The following TUBB4A variants were observed in gnomAD, a reference collection of about 807,000 sequenced individuals.
TUBB4A encodes the protein tubulin beta 4A class IVa.
Under a neutral mutation model 35.1 loss-of-function variants are expected in TUBB4A, and 13 were observed. The observed-to-expected ratio is 0.37, with a 90% confidence interval of 0.24 to 0.59. The LOEUF is 0.59. Among genes scored for constraint, TUBB4A ranks in the 20% least tolerant of loss-of-function variants. TUBB4A has a pLI of 0.71. For missense variants in TUBB4A, 299 were observed against 647.2 expected (o/e 0.46, Z 5.84); for synonymous variants, 279 against 272.4 (o/e 1.02, Z -0.24).
rs1293238312 is a variant in TUBB4A at position 6,495,105 on chromosome 19, G to C, written c.*59C>G. The C allele has an allele frequency of 6.3e-7, 1 of 1,585,802 alleles. No individual in the cohort carries two copies. The highest frequency in any genetic ancestry group is 1.3e-5 in the African/African-American group (1 of 74,304). ...GGGCTCTAGGGTTCAGAGATGGGGG[G>C]CCTAGCGGATCAAAGGTCAGAAGCC... On this transcript the variant is annotated 3_prime_UTR_variant, in exon 4 of 4. Transcript: ENST00000264071. This position sits in a 1 kb window ranked among gnomAD's most constrained non-coding sequence, Gnocchi z 8.7.
intron 3 of TUBB4A, among the ~76,000 whole-genome samples, chr19:6,497,682 C>A (rs2145251578): frequency 6.6e-6 from 1 of 151,920 alleles, no homozygotes; most frequent in African/African-American, 2.4e-5. Flanking sequence ...TGCCTGTAAT[C>A]CAGCACTTAG....
At chr19:6,497,068 T>TATATATATA (rs1555754492) in intron 3 of TUBB4A, among the ~76,000 whole-genome samples, 3 of 90,026 alleles carry the variant, frequency 3.3e-5, no homozygotes, top group African/African-American at 4.3e-5. Flanking sequence ...TATATATAAA[T>TATATATATA]TAGCCAGTCA....
At position 6,495,755 on chromosome 19, in the gene TUBB4A, G is replaced by C; in HGVS notation, c.744C>G (p.Ala248=). 1.2e-6 allele frequency: 2 copies of C among 1,614,148 alleles called. No individual in the cohort carries two copies. Among genetic ancestry groups the C allele is most frequent in the Non-Finnish European group, 8.5e-7 (1 of 1,180,024 alleles). Reference sequence around the variant, plus strand: ...TGTTGACGGCCAGCTTGCGCAGGTCGGCGTTCAGCTGGCCCGGGAAGCGCA... The same window carrying C: ...TGTTGACGGCCAGCTTGCGCAGGTCCGCGTTCAGCTGGCCCGGGAAGCGCA... ...TCLRFPGQLN[A]DLRKLAVNMV... Residue 248 remains alanine, a synonymous_variant, in exon 4 of 4, where the codon GCC becomes GCG. Transcript: ENST00000264071. The surrounding 1 kb of genome is among the most constrained non-coding windows in gnomAD (Gnocchi z 8.7).
intron 1 of TUBB4A, 52 bp downstream of exon 1, chr19:6,502,104 G>A (rs1255214991): frequency 1.3e-6 from 2 of 1,513,432 alleles, no homozygotes; most frequent in East Asian, 2.6e-5. Context: ...GACCGACCCC[G>A]CGGTGCTCCC....
At position 6,501,409 on chromosome 19, in the gene TUBB4A, C is replaced by G. The variant is rs1914527740; in HGVS notation, c.167-12G>C. 2 of 1,612,170 alleles carry G rather than the reference C, an allele frequency of 1.2e-6. No homozygotes were observed. Among genetic ancestry groups the G allele is most frequent in the Non-Finnish European group, 8.5e-7 (1 of 1,178,744 alleles). On this transcript the variant is annotated splice_polypyrimidine_tract_variant and intron_variant, in intron 2 of 3. Transcript: ENST00000264071. The surrounding 1 kb of genome is among the most constrained non-coding windows in gnomAD (Gnocchi z 4.2). ...GACATAATTTCCTCCTGCAGGGAAA[C>G]AGATGGAGGGCAGTTCGATGCGTGC...
In TUBB4A at chr19:6,495,903, G is replaced by T; in HGVS notation, c.596C>A (p.Thr199Asn). ...GAGTGCCTCGTTGTCGATGCAGTAG[G>T]TCTCATCCGTATTCTCCACCAGCTG... is the stretch of plus-strand genomic sequence containing the variant. ...VHQLVENTDE[T>N]YCIDNEALYD... The change falls in exon 4 of 4, where the codon ACC (threonine) becomes AAC (asparagine). Residue 199 changes from threonine (T) to asparagine (N), a missense_variant. Thr to Asn is a moderately conservative substitution (Grantham distance 65, BLOSUM62 0). This residue lies in a region of TUBB4A where 51 missense variants were observed against 100.3 expected (regional missense o/e 0.51). Coordinates refer to ENST00000264071, the MANE Select transcript of TUBB4A (RefSeq NM_006087.4). The surrounding 1 kb of genome is among the most constrained non-coding windows in gnomAD (Gnocchi z 8.7). 6.2e-7 allele frequency: 1 copy of T among 1,614,230 alleles called. No individual in the cohort carries two copies. The highest frequency in any genetic ancestry group is 1.1e-5 in the South Asian group (1 of 91,086).
chr19:6,497,024 A>AATATATATAT lies in TUBB4A; in HGVS notation c.278-813_278-804dup, dbSNP rs1192524805. On this transcript the variant is annotated intron_variant, in intron 3 of 3. Coordinates refer to ENST00000264071, the MANE Select transcript of TUBB4A (RefSeq NM_006087.4). ...AAAAAAAAAAAAAAAAAAAAAAAAAAATATATATATATATATATATATATA... is the reference window on the plus strand; with the variant it reads ...AAAAAAAAAAAAAAAAAAAAAAAAAAATATATATATATATATATATATATATATATATATA... Among the ~76,000 whole-genome samples the AATATATATAT allele has an allele frequency of 6.6e-3, 145 of 21,966 alleles. 2 individuals carry two copies. Among genetic ancestry groups the AATATATATAT allele is most frequent in the South Asian group, 0.011 (3 of 272 alleles). The allele number at this position is 21,966 out of a possible 152,430, so 14.4% of individuals were successfully genotyped here.
chr19:6,495,944 G>A lies in TUBB4A; in HGVS notation c.555C>T (p.Ala185=). 2.5e-6 allele frequency: 4 copies of A among 1,614,222 alleles called. No homozygotes were observed. The highest frequency in any genetic ancestry group is 3.4e-6 in the Non-Finnish European group (4 of 1,180,042). ...VSDTVVEPYN[A]TLSVHQLVEN... is the part of the protein sequence containing the mutation. ...CCACCAGCTGGTGCACAGACAGCGT[G>A]GCGTTGTAGGGCTCCACCACCGTGT... Residue 185 remains alanine (A), a synonymous_variant, in exon 4 of 4, where the codon GCC becomes GCT. Transcript: ENST00000264071. This position sits in a 1 kb window ranked among gnomAD's most constrained non-coding sequence, Gnocchi z 8.7.
chr19:6,498,254 TTACTGTGAA>T (rs1339283345), intron 3 of TUBB4A, among the ~76,000 whole-genome samples: 2 of 151,826 alleles, frequency 1.3e-5, no homozygotes, highest in East Asian at 3.9e-4. Flanking sequence ...TTGGCCGGTA[TTACTGTGAA>T]CAGCTAACGT....
intron 3 of TUBB4A, among the ~76,000 whole-genome samples, chr19:6,497,745 AAC>A (rs965301192): frequency 6.6e-6 from 1 of 151,118 alleles, no homozygotes; most frequent in African/African-American, 2.4e-5. Context: ...CATCCTGGCT[AAC>A]ACAGTGAAAC....
At position 6,501,231 on chromosome 19, in the gene TUBB4A, G is replaced by A. The variant is rs765518548; in HGVS notation, c.277+56C>T. 1 of 1,456,110 alleles carries A rather than the reference G, an allele frequency of 6.9e-7. No homozygotes were observed. The highest frequency in any genetic ancestry group is 1.8e-5 in the Admixed American group (1 of 56,062). 90.2% of individuals were successfully genotyped at this position (1,456,110 alleles called of 1,614,324 possible). On this transcript the variant is annotated intron_variant, in intron 3 of 3. Coordinates refer to ENST00000264071, the MANE Select transcript of TUBB4A (RefSeq NM_006087.4). The surrounding 1 kb of genome is among the most constrained non-coding windows in gnomAD (Gnocchi z 4.2). ...CCCGGTGGTGGCTGTTGACTCTGTG[G>A]TGTTAGCAGGAATAAGGAGGTTTTC...
intron 1 of TUBB4A, 123 bp downstream of exon 1, chr19:6,502,033 C>T (rs1914557803): frequency 1.8e-6 from 2 of 1,110,336 alleles, no homozygotes; most frequent in Non-Finnish European, 2.5e-6. Flanking sequence ...CCCTGGGGCG[C>T]GCTGGCCTCC....
Position 6,497,023 on chromosome 19 carries a change from AAATATATATATATATATATATATATAT to A in TUBB4A, c.278-829_278-803del, listed in dbSNP as rs1266974938. Among the ~76,000 whole-genome samples the A allele has an allele frequency of 3.4e-4, 10 of 29,718 alleles. 1 individual carries two copies. The highest frequency in any genetic ancestry group is 1.6e-3 in the African/African-American group (10 of 6,194). 19.5% of individuals were successfully genotyped at this position (29,718 alleles called of 152,430 possible). A position where few individuals can be genotyped will look rare whatever the true frequency, so the allele number is the denominator to read the frequency against. Reference sequence around the variant, plus strand: ...AAAAAAAAAAAAAAAAAAAAAAAAAAAATATATATATATATATATATATATATATATATATATATATAAATTAGCCAG... The same window carrying A: ...AAAAAAAAAAAAAAAAAAAAAAAAAAATATATATATATATAAATTAGCCAG... On this transcript the variant is annotated intron_variant, in intron 3 of 3. Transcript: ENST00000264071.
In TUBB4A at chr19:6,500,018, C is replaced by G. The variant is rs371554726; in HGVS notation, c.277+1269G>C. Among the ~76,000 whole-genome samples the G allele has an allele frequency of 5.9e-5, 9 of 151,916 alleles. No individual in the cohort carries two copies. The South Asian group carries it at 1.9e-3, about 32-fold the overall frequency. On this transcript the variant is annotated intron_variant, in intron 3 of 3. Transcript: ENST00000264071. ...GTTAGTCAGGCTGGTCTCAAACTCC[C>G]GACCTCAGGTGATCCACCCGCCTCG...
rs963363745 is a variant in TUBB4A, at chr19:6,501,263, C to G, written c.277+24G>C. 1.2e-6 allele frequency: 2 copies of G among 1,603,232 alleles called. No individual in the cohort carries two copies. The highest frequency in any genetic ancestry group is 2.7e-5 in the African/African-American group (2 of 74,676). The stretch of plus-strand genomic sequence containing the variant: ...CAGGAATAAGGAGGTTTTCCAGCCT[C>G]TGGCTCCCTGCTGGGGGACTCACCA... On this transcript the variant is annotated intron_variant, in intron 3 of 3. Transcript: ENST00000264071. The surrounding 1 kb of genome is among the most constrained non-coding windows in gnomAD (Gnocchi z 4.2).
Position 6,501,324 on chromosome 19 carries a change from G to A in TUBB4A, c.240C>T (p.Pro80=). 1 of 1,614,156 alleles carries A rather than the reference G, an allele frequency of 6.2e-7. No homozygotes were observed. Among genetic ancestry groups the A allele is most frequent in the Non-Finnish European group, 8.5e-7 (1 of 1,179,998 alleles). Residue 80 remains proline, a synonymous_variant, in exon 3 of 4, where the codon CCC becomes CCT. Coordinates refer to ENST00000264071, the MANE Select transcript of TUBB4A (RefSeq NM_006087.4). This position sits in a 1 kb window ranked among gnomAD's most constrained non-coding sequence, Gnocchi z 4.2. ...TGTCCGGCCGAAAGATCTGACCGAA[G>A]GGGCCAGAACGGACAGAGTCCATGG... ...PGTMDSVRSG[P]FGQIFRPDNF...
intron 3 of TUBB4A, 168 bp from the exon 4 acceptor site, chr19:6,496,389 G>A: frequency 1.5e-6 from 1 of 654,648 alleles, no homozygotes; most frequent in Non-Finnish European, 2.5e-6. Flanking sequence ...CAGCACTTTG[G>A]GAGGCCGAGG....
In TUBB4A at chr19:6,495,026, G is replaced by A; in HGVS notation, c.*138C>T. Reference sequence around the variant, plus strand: ...GAGATGAAGTAGCCAGAGGTAAAGCGAGCTCCAAAGGTATTGTTAGGGTCA... The same window carrying A: ...GAGATGAAGTAGCCAGAGGTAAAGCAAGCTCCAAAGGTATTGTTAGGGTCA... On this transcript the variant is annotated 3_prime_UTR_variant, in exon 4 of 4. Coordinates refer to ENST00000264071, the MANE Select transcript of TUBB4A (RefSeq NM_006087.4). This position sits in a 1 kb window ranked among gnomAD's most constrained non-coding sequence, Gnocchi z 8.7. 2 of 1,032,736 alleles carry A rather than the reference G, an allele frequency of 1.9e-6. No homozygotes were observed. The highest frequency in any genetic ancestry group is 2.8e-6 in the Non-Finnish European group (2 of 714,230). 64.0% of individuals were successfully genotyped at this position (1,032,736 alleles called of 1,614,324 possible).
chr19:6,502,119 G>T, intron 1 of TUBB4A, 37 bp downstream of exon 1: 1 of 1,534,058 alleles, frequency 6.5e-7, no homozygotes, highest in Admixed American at 2.0e-5. Flanking sequence ...GCTCCCCGGG[G>T]CCGCCACTGC....
Sources: allele counts gnomAD v4.1 joint callset (sites outside exome capture counted in the v4.1 genomes callset), GRCh38; gene constraint gnomAD v4.1.1; regional missense constraint gnomAD v4.1.1; non-coding constraint Gnocchi (gnomAD v3.1); transcripts MANE v1.5; gene names NCBI Gene and HGNC (gene_info 2026-07-23, HGNC 2026-07-21).